Variants in TNFRSF10D observed in about 807,000 individuals in gnomAD.
TNFRSF10D encodes the protein TNF receptor superfamily member 10d.
In TNFRSF10D, 28 loss-of-function variants were observed where a neutral mutation model predicts 42.1. That is an observed-to-expected ratio of 0.66 (90% CI 0.49 to 0.91). The LOEUF (loss-of-function observed/expected upper bound fraction) is 0.91, where lower values mean the gene tolerates loss of function less well. Ranked by LOEUF, TNFRSF10D falls within the 40% of genes least tolerant of loss-of-function variation. The pLI, the probability that TNFRSF10D is intolerant of heterozygous loss-of-function variation, is 0.00. For synonymous variants in TNFRSF10D, 186 were observed against 189.4 expected, an observed-to-expected ratio of 0.98 and a Z score of 0.15; for missense variants, 503 against 486.1, an observed-to-expected ratio of 1.03 and a Z score of -0.33.
Position 23,144,625 on chromosome 8 carries a change from C to T in TNFRSF10D, c.779G>A (p.Arg260Gln), listed in dbSNP as rs758767423. ...GPERVHRVLF[R>Q]RRSCPSRVPG... Reference sequence around the variant, plus strand: ...AACTCGTGAAGGACATGAACGCCGCCGGAAAAGGACCTTGGGAAGACAAAG... The same window carrying T: ...AACTCGTGAAGGACATGAACGCCGCTGGAAAAGGACCTTGGGAAGACAAAG... Residue 260 changes from arginine (R) to glutamine (Q), a missense_variant, in exon 7 of 9, where the codon CGG becomes CAG. Arg to Gln is a conservative substitution (Grantham distance 43). Transcript: ENST00000312584. 13 of 1,613,316 alleles carry T rather than the reference C, an allele frequency of 8.1e-6. No individual in the cohort carries two copies. The highest frequency in any genetic ancestry group is 4.5e-5 in the East Asian group (2 of 44,890).
At chr8:23,153,773 G>C (rs1800238397) in intron 2 of TNFRSF10D, among the ~76,000 whole-genome samples, 1 of 152,196 alleles carries the variant, frequency 6.6e-6, no homozygotes. Flanking sequence ...CTGTTGGTGG[G>C]AATGGAGATT....
Position 23,135,855 on chromosome 8 carries a change from G to C in TNFRSF10D, c.*2015C>G. 2.2e-5 allele frequency: 10 copies of C among 450,538 alleles called. No homozygotes were observed. Among genetic ancestry groups the C allele is most frequent in the South Asian group, 1.6e-4 (10 of 63,898 alleles). 27.9% of individuals were successfully genotyped at this position (450,538 alleles called of 1,614,324 possible). A position where few individuals can be genotyped will look rare whatever the true frequency, so the allele number is the denominator to read the frequency against. On this transcript the variant is annotated 3_prime_UTR_variant, in exon 9 of 9. Coordinates refer to ENST00000312584, the MANE Select transcript of TNFRSF10D (RefSeq NM_003840.5). ...AGCTGGGACCGGACTGGCTCTCTCT[G>C]AGCTTTGAGACCAAGTCTCCTGCAC...
In TNFRSF10D at chr8:23,153,411, A is replaced by G. The variant is rs541079485; in HGVS notation, c.256+1463T>C. ...AGAAAGGTTTTGCACAACAAAGGAA[A>G]CAATGAACAGAGTGACGAGACAACA... On this transcript the variant is annotated intron_variant, in intron 2 of 8. Coordinates refer to ENST00000312584, the MANE Select transcript of TNFRSF10D (RefSeq NM_003840.5). 2.3e-3 allele frequency among the ~76,000 whole-genome samples: 353 copies of G among 152,364 alleles called. 2 individuals are homozygous for G. Among genetic ancestry groups the G allele is most frequent in the Non-Finnish European group, 3.7e-3 (255 of 68,026 alleles).
At chr8:23,148,573 A>G (rs778752627) in intron 2 of TNFRSF10D, 22 bp from the exon 3 acceptor site, 2 of 1,559,684 alleles carry the variant, frequency 1.3e-6, no homozygotes, top group Non-Finnish European at 1.8e-6. Context: ...GAGAAAAGTT[A>G]ATGAATGAGT....
At chr8:23,148,685 C>A in intron 2 of TNFRSF10D, 134 bp from the exon 3 acceptor site, 1 of 583,556 alleles carries the variant, frequency 1.7e-6, no homozygotes, top group Non-Finnish European at 3.1e-6. Context: ...TTGGTCTTGT[C>A]ATCAATTCTG....
At chr8:23,163,463 C>G (rs1800404864) in intron 1 of TNFRSF10D, among the ~76,000 whole-genome samples, 1 of 152,192 alleles carries the variant, frequency 6.6e-6, no homozygotes, top group Admixed American at 6.5e-5. Context: ...CGCTCTGTGG[C>G]TTCCTGAGGT....
intron 7 of TNFRSF10D, among the ~76,000 whole-genome samples, chr8:23,139,743 T>C (rs555231662): frequency 1.3e-5 from 2 of 152,284 alleles, no homozygotes; most frequent in South Asian, 4.1e-4. Context: ...GTGAAAACTC[T>C]TCATGGACGA....
chr8:23,153,618 A>T (rs1800236549), intron 2 of TNFRSF10D, among the ~76,000 whole-genome samples: 1 of 152,220 alleles, frequency 6.6e-6, no homozygotes, highest in South Asian at 2.1e-4. Context: ...GGTATATGAA[A>T]AAAATGCTCA....
At chr8:23,159,120 G>C (rs1042025273) in intron 1 of TNFRSF10D, among the ~76,000 whole-genome samples, 1 of 149,978 alleles carries the variant, frequency 6.7e-6, no homozygotes, top group African/African-American at 2.5e-5. Context: ...TGTGTCTGTG[G>C]TTTTTGGTTT....
At chr8:23,160,045 A>T (rs1393077580) in intron 1 of TNFRSF10D, among the ~76,000 whole-genome samples, 1 of 152,026 alleles carries the variant, frequency 6.6e-6, no homozygotes, top group African/African-American at 2.4e-5. Flanking sequence ...ATAGCCTTGC[A>T]CCAACACGGC....
Position 23,137,247 on chromosome 8 carries a change from C to T in TNFRSF10D, c.*623G>A, listed in dbSNP as rs1462264871. On this transcript the variant is annotated 3_prime_UTR_variant, in exon 9 of 9. Coordinates refer to ENST00000312584, the MANE Select transcript of TNFRSF10D (RefSeq NM_003840.5). The stretch of plus-strand genomic sequence containing the variant: ...GCATAGGGCTACGTCTTGATAATCT[C>T]ATCATTAAGTCAAAAATATCCGAAA... 6.6e-6 allele frequency: 1 copy of T among 152,288 alleles called. No individual in the cohort carries two copies. The highest frequency in any genetic ancestry group is 1.9e-4 in the East Asian group (1 of 5,202). The allele number at this position is 152,288 out of a possible 1,614,324, so 9.4% of individuals were successfully genotyped here.
In TNFRSF10D at chr8:23,135,849, C is replaced by G. The variant is rs1396534819; in HGVS notation, c.*2021G>C. 6.7e-6 allele frequency: 3 copies of G among 449,650 alleles called. No homozygotes were observed. Among genetic ancestry groups the G allele is most frequent in the African/African-American group, 2.0e-5 (1 of 49,918 alleles). 27.9% of individuals were successfully genotyped at this position (449,650 alleles called of 1,614,324 possible). A position where few individuals can be genotyped will look rare whatever the true frequency, so the allele number is the denominator to read the frequency against. ...CAAAGGAGCTGGGACCGGACTGGCTCTCTCTGAGCTTTGAGACCAAGTCTC... is the reference window on the plus strand; with the variant it reads ...CAAAGGAGCTGGGACCGGACTGGCTGTCTCTGAGCTTTGAGACCAAGTCTC... On this transcript the variant is annotated 3_prime_UTR_variant, in exon 9 of 9. Transcript: ENST00000312584.
In TNFRSF10D at chr8:23,144,497, G is replaced by T; in HGVS notation, c.907C>A (p.Leu303Ile). 1 of 1,614,206 alleles carries T rather than the reference G, an allele frequency of 6.2e-7. No homozygotes were observed. Among genetic ancestry groups the T allele is most frequent in the South Asian group, 1.1e-5 (1 of 91,088 alleles). Residue 303 changes from leucine (L) to isoleucine (I), a missense_variant, in exon 7 of 9, where the codon CTA becomes ATA. Leu to Ile is a conservative substitution (Grantham distance 5). Transcript: ENST00000312584. ...QEIQGQELAE[L>I]TGVTVELPEE... ...GGCAACTCTACAGTCACACCTGTTA[G>T]CTCTGCCAGCTCCTGACCTTGGATT...
Position 23,163,015 on chromosome 8 carries a change from G to A in TNFRSF10D, c.150+771C>T, listed in dbSNP as rs899433930. On this transcript the variant is annotated intron_variant, in intron 1 of 8. Transcript: ENST00000312584. ...CGGCTCACTGCAACCTCTGCCTCCCGGGTTCAAGCAGTTCTCCTGCCTCAG... is the reference window on the plus strand; with the variant it reads ...CGGCTCACTGCAACCTCTGCCTCCCAGGTTCAAGCAGTTCTCCTGCCTCAG... Among the ~76,000 whole-genome samples, 4 of 151,498 alleles carry A rather than the reference G, an allele frequency of 2.6e-5. No individual in the cohort carries two copies. The East Asian group carries it at 5.8e-4, about 22-fold the overall frequency.
At chr8:23,139,333 A>C (rs896380386) in intron 7 of TNFRSF10D, among the ~76,000 whole-genome samples, 1 of 152,234 alleles carries the variant, frequency 6.6e-6, no homozygotes, top group Admixed American at 6.5e-5. Context: ...TAAAATATTC[A>C]GTGTTTCTAG....
chr8:23,163,892 C>A lies in TNFRSF10D; in HGVS notation c.44G>T (p.Arg15Leu), dbSNP rs758918421. ...CCTGGCTCCTGGATAGCGCCCTGCT[C>A]GAGCGCTCGAGGCGGTCGGGACGCT... ...GQSVPTASSA[R>L]AGRYPGARTA... Residue 15 changes from arginine to leucine, a missense_variant, in exon 1 of 9, where the codon CGA (arginine) becomes CTA (leucine). Physicochemically the swap from Arg to Leu is moderately radical, Grantham distance 102. Transcript: ENST00000312584. 1 of 1,593,892 alleles carries A rather than the reference C, an allele frequency of 6.3e-7. No homozygotes were observed. Among genetic ancestry groups the A allele is most frequent in the Non-Finnish European group, 8.5e-7 (1 of 1,172,458 alleles).
Position 23,145,895 on chromosome 8 carries a change from C to T in TNFRSF10D, c.509G>A (p.Ser170Asn), listed in dbSNP as rs1183397623. 6.2e-7 allele frequency: 1 copy of T among 1,614,182 alleles called. No individual in the cohort carries two copies. Among genetic ancestry groups the T allele is most frequent in the Admixed American group, 1.7e-5 (1 of 60,028 alleles). ...GATGTCACTCCGGGGCGTACAATTACTGACCTTGACCATCCCTCTGGGACA... is the reference window on the plus strand; with the variant it reads ...GATGTCACTCCGGGGCGTACAATTATTGACCTTGACCATCCCTCTGGGACA... ...TGCPRGMVKVSNCTPRSDIKC... is the reference protein window; with the variant it reads ...TGCPRGMVKVNNCTPRSDIKC... Residue 170 changes from serine (S) to asparagine (N), a missense_variant, in exon 5 of 9, where the codon AGT becomes AAT. Ser to Asn is a conservative substitution (Grantham distance 46, BLOSUM62 1). Transcript: ENST00000312584.
intron 1 of TNFRSF10D, among the ~76,000 whole-genome samples, chr8:23,159,651 C>T (rs1221911994): frequency 1.3e-5 from 2 of 152,248 alleles, no homozygotes; most frequent in East Asian, 1.9e-4. Flanking sequence ...ATCACCTGAG[C>T]TCGACTTCGA....
intron 2 of TNFRSF10D, among the ~76,000 whole-genome samples, chr8:23,149,076 G>A (rs1289786125): frequency 6.7e-6 from 1 of 149,936 alleles, no homozygotes. Context: ...TGTAATCCTA[G>A]CTACTCGGGA....
Sources: gnomAD v4.1 joint callset for allele counts (sites outside exome capture counted in the v4.1 genomes callset) on GRCh38, gnomAD v4.1.1 for gene constraint, MANE v1.5 for transcripts, NCBI Gene and HGNC (gene_info 2026-07-23, HGNC 2026-07-21) for gene names.